The following TEP1 variants were observed in gnomAD, a reference collection of about 807,000 sequenced individuals.
TEP1 encodes the protein telomerase associated protein 1.
In TEP1, 241 loss-of-function variants were observed where a neutral mutation model predicts 306.3. The observed-to-expected ratio is 0.79, with a 90% CI of 0.71 to 0.88. The LOEUF (loss-of-function observed/expected upper bound fraction) is 0.88, where lower values mean the gene tolerates loss of function less well. Ranked by LOEUF, TEP1 falls within the 40% of genes least tolerant of loss-of-function variation. The probability of loss-of-function intolerance (pLI) is 0.00; values close to 1 mark genes in which losing one functional copy is unlikely to be tolerated. For synonymous variants in TEP1, 1,289 were observed against 1,305.5 expected (o/e 0.99, Z 0.27); for missense variants, 3,051 against 3,276.1 (o/e 0.93, Z 1.68).
Position 20,374,437 on chromosome 14 carries a change from C to CCACAGCGCT in TEP1, c.6454_6462dup (p.Ser2152_Val2154dup). The CCACAGCGCT allele has an allele frequency of 6.2e-7, 1 of 1,612,288 alleles. No homozygotes were observed. The highest frequency in any genetic ancestry group is 8.5e-7 in the Non-Finnish European group (1 of 1,179,516). On this transcript the variant is annotated inframe_insertion, in exon 44 of 55. Transcript: ENST00000262715. Reference sequence around the variant, plus strand: ...CTCCATTGCTTTCTCACCACAGCTGCCACAGCGCTCACAGCACTCTGATGA... The same window carrying CCACAGCGCT: ...CTCCATTGCTTTCTCACCACAGCTGCCACAGCGCTCACAGCGCTCACAGCACTCTGATGA...
rs966973034 is a variant in TEP1, at chr14:20,401,094, G to A, written c.1439C>T (p.Pro480Leu). The A allele has an allele frequency of 1.8e-5, 29 of 1,614,056 alleles. No individual in the cohort carries two copies. The highest frequency in any genetic ancestry group is 2.4e-5 in the Non-Finnish European group (28 of 1,180,044). The change falls in exon 9 of 55, where the codon CCT (proline) becomes CTT (leucine). Residue 480 changes from proline to leucine, a missense_variant. By Grantham distance (98) the Pro-to-Leu change is moderately conservative. Transcript: ENST00000262715. ...CTTCCCAGCTCTGCTAGAATCCCAA[G>A]GCCCAGGAAGGCGACTTCGAGAAAA... ...QLFSRSRLPG[P>L]WDSSRAGKRM...
chr14:20,369,330 T>C lies in TEP1; in HGVS notation c.7656+14A>G. On this transcript the variant is annotated intron_variant, in intron 53 of 54. Transcript: ENST00000262715. Reference sequence around the variant, plus strand: ...GCCCTCCCCTAGTATTTCTGACCCTTCCTTCAAACTCACCTTTCTACGCTG... The same window carrying C: ...GCCCTCCCCTAGTATTTCTGACCCTCCCTTCAAACTCACCTTTCTACGCTG... 6.2e-7 allele frequency: 1 copy of C among 1,613,838 alleles called. No homozygotes were observed. The highest frequency in any genetic ancestry group is 8.5e-7 in the Non-Finnish European group (1 of 1,179,762).
intron 43 of TEP1, among the ~76,000 whole-genome samples, chr14:20,375,447 C>T (rs928619309): frequency 1.3e-5 from 2 of 152,136 alleles, no homozygotes; most frequent in Non-Finnish European, 2.9e-5. Context: ...AGCCACCGTG[C>T]CCAGACCTAG....
chr14:20,395,462 A>G lies in TEP1; in HGVS notation c.1916T>C (p.Val639Ala). 1 of 1,595,302 alleles carries G rather than the reference A, an allele frequency of 6.3e-7. No homozygotes were observed. The change falls in exon 12 of 55, where the codon GTA becomes GCA. Residue 639 changes from valine (V) to alanine (A), a missense_variant. Val to Ala is a moderately conservative substitution (Grantham distance 64, BLOSUM62 0). Transcript: ENST00000262715. ...YEQLKREKLR[V>A]HKARQWKYDG... ...AGTGCATACATACCTGGCCTTGTGTACTCTCAGCTTCTCCCTCTTGAGCTG... is the reference window on the plus strand; with the variant it reads ...AGTGCATACATACCTGGCCTTGTGTGCTCTCAGCTTCTCCCTCTTGAGCTG...
At chr14:20,373,883 G>A (rs1206656742) in intron 44 of TEP1, 73 bp from the exon 45 acceptor site, 1 of 1,555,650 alleles carries the variant, frequency 6.4e-7, no homozygotes, top group Non-Finnish European at 8.7e-7. Context: ...CCTCCACAGA[G>A]GTGGGTGGAG....
chr14:20,410,072 G>A (rs1879535109), intron 1 of TEP1, among the ~76,000 whole-genome samples: 1 of 137,490 alleles, frequency 7.3e-6, no homozygotes, highest in Non-Finnish European at 1.6e-5. Flanking sequence ...ACCTCACAGA[G>A]TTGTTATAGA....
chr14:20,395,449 C>T lies in TEP1; in HGVS notation c.1928+1G>A. On this transcript the variant is annotated splice_donor_variant, in intron 12 of 54. Transcript: ENST00000262715. LOFTEE classifies it high-confidence loss of function. ...TTGGCTCCCAGACAGTGCATACATACCTGGCCTTGTGTACTCTCAGCTTCT... is the reference window on the plus strand; with the variant it reads ...TTGGCTCCCAGACAGTGCATACATATCTGGCCTTGTGTACTCTCAGCTTCT... 2 of 1,589,086 alleles carry T rather than the reference C, an allele frequency of 1.3e-6. No individual in the cohort carries two copies. The highest frequency in any genetic ancestry group is 1.1e-5 in the South Asian group (1 of 90,034).
chr14:20,397,838 C>T (rs1399548130), intron 9 of TEP1, among the ~76,000 whole-genome samples: 1 of 152,032 alleles, frequency 6.6e-6, no homozygotes, highest in African/African-American at 2.4e-5. Flanking sequence ...ACTGCAACCT[C>T]TGATTCCTGG....
At chr14:20,389,887 G>T in intron 15 of TEP1, 147 bp from the exon 16 acceptor site, 1 of 1,100,184 alleles carries the variant, frequency 9.1e-7, no homozygotes, top group Non-Finnish European at 1.3e-6. Flanking sequence ...GGAAGCCACT[G>T]CATTTTAACT....
chr14:20,412,816 G>A (rs1263780555), intron 1 of TEP1, among the ~76,000 whole-genome samples: 2 of 151,202 alleles, frequency 1.3e-5, no homozygotes, highest in African/African-American at 2.4e-5. Flanking sequence ...CCACCACCAT[G>A]CCCGGCTAAT....
intron 49 of TEP1, 142 bp from the exon 50 acceptor site, chr14:20,371,774 G>C: frequency 9.2e-7 from 1 of 1,090,048 alleles, no homozygotes; most frequent in African/African-American, 1.6e-5. Flanking sequence ...TCCACTTTCT[G>C]GTTTTTGTTT....
At chr14:20,389,173 A>G (rs1877486825) in intron 17 of TEP1, 65 bp downstream of exon 17, 3 of 1,409,732 alleles carry the variant, frequency 2.1e-6, no homozygotes, top group Non-Finnish European at 3.0e-6. Context: ...TGACTGGAGT[A>G]GAGATAATCT....
At chr14:20,404,549 T>C (rs1015099257) in intron 5 of TEP1, 62 bp downstream of exon 5, 104 of 1,546,404 alleles carry the variant, frequency 6.7e-5, no homozygotes, top group Middle Eastern at 1.7e-4. Context: ...TCTCCAAGGA[T>C]GCAGTGAGCA....
At chr14:20,374,367 T>C in intron 44 of TEP1, 62 bp downstream of exon 44, 1 of 1,199,738 alleles carries the variant, frequency 8.3e-7, no homozygotes, top group Non-Finnish European at 1.2e-6. Flanking sequence ...CCATGCACCG[T>C]CTCCCAAAGC....
intron 19 of TEP1, 62 bp from the exon 20 acceptor site, chr14:20,386,257 G>A (rs1877136126): frequency 1.9e-6 from 3 of 1,608,626 alleles, no homozygotes; most frequent in Middle Eastern, 1.7e-4. Context: ...GGGAACATAG[G>A]CACAAACAGG....
At chr14:20,387,531 G>A (rs113410039) in intron 18 of TEP1, among the ~76,000 whole-genome samples, 98 of 127,304 alleles carry the variant, frequency 7.7e-4, no homozygotes, top group African/African-American at 2.9e-3. Context: ...CAGACTGGGC[G>A]ACACAGCGAG....
Position 20,375,846 on chromosome 14 carries a change from C to T in TEP1, c.6272G>A (p.Arg2091Lys), listed in dbSNP as rs779870289. The T allele has an allele frequency of 6.2e-7, 1 of 1,613,472 alleles. No individual in the cohort carries two copies. Among genetic ancestry groups the T allele is most frequent in the East Asian group, 2.2e-5 (1 of 44,876 alleles). The change falls in exon 43 of 55, where the codon AGG becomes AAG. Residue 2091 changes from arginine (R) to lysine (K), a missense_variant. Transcript: ENST00000262715. ...RDRSLLCWDV[R>K]TPKTPVLIHS... is the part of the protein sequence containing the mutation. Reference sequence around the variant, plus strand: ...GATCAAAACAGGGGTTTTGGGTGTCCTCACGTCCCAGCAGAGGAGACTCTG... The same window carrying T: ...GATCAAAACAGGGGTTTTGGGTGTCTTCACGTCCCAGCAGAGGAGACTCTG...
intron 43 of TEP1, 55 bp from the exon 44 acceptor site, chr14:20,374,591 G>A: frequency 7.3e-7 from 1 of 1,371,732 alleles, no homozygotes; most frequent in South Asian, 1.3e-5. Flanking sequence ...CAGCATTTTG[G>A]TATATCTGTA....
At chr14:20,395,185 C>T (rs147269209) in intron 12 of TEP1, among the ~76,000 whole-genome samples, 8 of 152,258 alleles carry the variant, frequency 5.3e-5, no homozygotes, top group Non-Finnish European at 1.2e-4. Flanking sequence ...ATCAGCATAA[C>T]TAAAAGAAAG....
Sources: allele counts gnomAD v4.1 joint callset (sites outside exome capture counted in the v4.1 genomes callset), GRCh38; gene constraint gnomAD v4.1.1; transcripts MANE v1.5; gene names NCBI Gene and HGNC (gene_info 2026-07-23, HGNC 2026-07-21).